The following TRIP11 variants were observed in gnomAD, a reference collection of about 807,000 sequenced individuals.
TRIP11 encodes the protein thyroid receptor-interacting protein 11.
Under a neutral mutation model 223.1 loss-of-function variants are expected in TRIP11, and 148 were observed. The ratio of observed to expected loss-of-function variants is 0.66; its 90% confidence interval spans 0.58 to 0.76. TRIP11 has a LOEUF of 0.76. TRIP11 is among the 30% of genes least tolerant of loss of function. TRIP11 has a pLI of 0.00. For missense variants in TRIP11, 2,043 were observed against 2,222.0 expected, an observed-to-expected ratio of 0.92 and a Z score of 1.62; for synonymous variants, 762 against 772.6, an observed-to-expected ratio of 0.99 and a Z score of 0.23.
intron 2 of TRIP11, among the ~76,000 whole-genome samples, chr14:92,026,358 A>T (rs1417093214): frequency 6.6e-6 from 1 of 152,256 alleles, no homozygotes; most frequent in Non-Finnish European, 1.5e-5. Context: ...GTACCTAAAT[A>T]TTAAATTATC....
chr14:91,976,278 T>C, intron 16 of TRIP11, 89 bp from the exon 17 acceptor site: 1 of 1,068,380 alleles, frequency 9.4e-7, no homozygotes, highest in East Asian at 2.5e-5. Flanking sequence ...ATCTTTATTA[T>C]AACCTCTGAA....
intron 14 of TRIP11, among the ~76,000 whole-genome samples, chr14:91,994,759 G>T (rs1289271537): frequency 6.6e-6 from 1 of 152,214 alleles, no homozygotes; most frequent in Non-Finnish European, 1.5e-5. Flanking sequence ...GTGAATAAAT[G>T]TAAGGATAGG....
chr14:91,966,834 G>A lies in TRIP11; in HGVS notation c.*2839C>T, dbSNP rs2056345838. 1.4e-5 allele frequency: 3 copies of A among 218,982 alleles called. No homozygotes were observed. In the Admixed American group the frequency reaches 1.7e-4, roughly 13 times the overall value. 13.6% of individuals were successfully genotyped at this position (218,982 alleles called of 1,614,324 possible). On this transcript the variant is annotated 3_prime_UTR_variant, in exon 21 of 21. Coordinates refer to ENST00000267622, the MANE Select transcript of TRIP11 (RefSeq NM_004239.4). ...CATTAGGAATGTGGTAAAAAACTAT[G>A]GCAGCGAAGGTGGAATTCAACCACA...
chr14:91,998,066 G>T (rs965966379), intron 13 of TRIP11, among the ~76,000 whole-genome samples: 1 of 152,098 alleles, frequency 6.6e-6, no homozygotes, highest in African/African-American at 2.4e-5. Flanking sequence ...CTGCAAAGGT[G>T]GGGTAGGGGT....
intron 16 of TRIP11, among the ~76,000 whole-genome samples, chr14:91,980,065 C>G (rs567264524): frequency 1.3e-5 from 2 of 152,088 alleles, no homozygotes; most frequent in African/African-American, 4.8e-5. Flanking sequence ...GAAAGAGTTA[C>G]TCTACATCTG....
intron 5 of TRIP11, among the ~76,000 whole-genome samples, chr14:92,016,844 C>T (rs2057041050): frequency 6.6e-6 from 1 of 152,106 alleles, no homozygotes. Flanking sequence ...GGATTCTATC[C>T]ACTCTAGTAT....
chr14:91,992,063 G>A (rs1242920907), intron 15 of TRIP11, among the ~76,000 whole-genome samples: 1 of 98,374 alleles, frequency 1.0e-5, no homozygotes, highest in East Asian at 3.2e-4. Flanking sequence ...CCTGAGCAAA[G>A]AGCGAAACGC....
Position 91,976,163 on chromosome 14 carries a change from C to A in TRIP11, c.5287G>T (p.Asp1763Tyr), listed in dbSNP as rs746267348. The A allele has an allele frequency of 1.4e-5, 23 of 1,612,310 alleles. No homozygotes were observed. Reference protein sequence around the residue: ...QNELRQEMLDDVQKKLMSLAN... With the variant: ...QNELRQEMLDYVQKKLMSLAN... The stretch of plus-strand genomic sequence containing the variant: ...AAGCTCATCAATTTCTTTTGTACAT[C>A]ATCCAGCATTTCTTGTCGGAGCTCA... Residue 1763 changes from aspartate (D) to tyrosine (Y), a missense_variant, in exon 17 of 21, where the codon GAT (aspartate) becomes TAT (tyrosine). Physicochemically the swap from Asp to Tyr is radical, Grantham distance 160. Transcript: ENST00000267622.
intron 16 of TRIP11, among the ~76,000 whole-genome samples, chr14:91,987,551 A>G (rs1232407067): frequency 6.6e-6 from 1 of 152,224 alleles, no homozygotes; most frequent in African/African-American, 2.4e-5. Context: ...TGCCTAACCT[A>G]GACATCTAAA....
intron 16 of TRIP11, among the ~76,000 whole-genome samples, chr14:91,981,010 ATATTTTTT>A (rs1297928136): frequency 5.9e-3 from 327 of 55,738 alleles, no homozygotes; most frequent in Middle Eastern, 0.013. Flanking sequence ...ATATATATAT[ATATTTTTT>A]TTTTTTTTTT....
intron 7 of TRIP11, 142 bp from the exon 8 acceptor site, chr14:92,011,937 T>C: frequency 1.4e-6 from 1 of 701,846 alleles, no homozygotes; most frequent in Non-Finnish European, 2.5e-6. Context: ...GAAACATATA[T>C]TTGTATTCCT....
At chr14:92,016,077 T>C (rs1045718753) in intron 5 of TRIP11, among the ~76,000 whole-genome samples, 1 of 152,178 alleles carries the variant, frequency 6.6e-6, no homozygotes, top group African/African-American at 2.4e-5. Context: ...CTACTTCTAA[T>C]GAGGGAACAT....
intron 11 of TRIP11, 104 bp from the exon 12 acceptor site, chr14:92,000,212 G>C (rs920882146): frequency 5.2e-6 from 8 of 1,529,688 alleles, no homozygotes; most frequent in South Asian, 1.2e-5. Context: ...TTTTTAAATA[G>C]GGCAGCCTCC....
Position 92,013,006 on chromosome 14 carries a change from C to T in TRIP11, c.1186+1209G>A, listed in dbSNP as rs577712315. Among the ~76,000 whole-genome samples the T allele has an allele frequency of 2.0e-4, 31 of 152,258 alleles. 1 individual carries two copies. The highest frequency in any genetic ancestry group is 6.2e-4 in the South Asian group (3 of 4,828). On this transcript the variant is annotated intron_variant, in intron 7 of 20. Coordinates refer to ENST00000267622, the MANE Select transcript of TRIP11 (RefSeq NM_004239.4). ...CTCTTCAGCTGGGGGCGGTGGCTCA[C>T]GCCTGTAATCCCAGCACTTTGGGTG...
At chr14:91,993,741 G>C (rs2056711355) in intron 15 of TRIP11, 68 bp downstream of exon 15, 1 of 1,278,362 alleles carries the variant, frequency 7.8e-7, no homozygotes, top group African/African-American at 1.5e-5. Flanking sequence ...TTATTTCCAA[G>C]ACAAAGACTC....
chr14:92,034,316 A>G (rs1291404257), intron 1 of TRIP11, among the ~76,000 whole-genome samples: 2 of 151,952 alleles, frequency 1.3e-5, no homozygotes, highest in Non-Finnish European at 2.9e-5. Context: ...CCAGCTACTC[A>G]GGAGGCTGAG....
intron 2 of TRIP11, among the ~76,000 whole-genome samples, chr14:92,029,882 G>A (rs1418510636): frequency 2.6e-5 from 4 of 151,048 alleles, no homozygotes; most frequent in Middle Eastern, 6.9e-3. Flanking sequence ...CAATATCCTG[G>A]AAGAATTTTC....
chr14:92,005,784 CTCT>C lies in TRIP11; in HGVS notation c.2189_2191del (p.Lys730del), dbSNP rs1463769693. ...ATACTTGTTTGCTTCTTCCAACAGC[CTCT>C]TTTTAGCCCAACACAATTCTGCCTC... On this transcript the variant is annotated inframe_deletion, in exon 11 of 21. Coordinates refer to ENST00000267622, the MANE Select transcript of TRIP11 (RefSeq NM_004239.4). 1.2e-6 allele frequency: 2 copies of C among 1,613,928 alleles called. No homozygotes were observed. The highest frequency in any genetic ancestry group is 2.7e-5 in the African/African-American group (2 of 74,920).
At position 92,004,633 on chromosome 14, in the gene TRIP11, G is replaced by T; in HGVS notation, c.3343C>A (p.Leu1115Ile). ...LNEKTRENSH[L>I]KTEYHKMMDI... ...ATCATTTTGTGATATTCTGTTTTTA[G>T]ATGGCTATTTTCCCTAGTCTTCTCA... is the stretch of plus-strand genomic sequence containing the variant. The change falls in exon 11 of 21, where the codon CTA (leucine) becomes ATA (isoleucine). Residue 1115 changes from leucine (L) to isoleucine (I), a missense_variant. By Grantham distance (5) the Leu-to-Ile change is conservative. Coordinates refer to ENST00000267622, the MANE Select transcript of TRIP11 (RefSeq NM_004239.4). 1 of 1,614,056 alleles carries T rather than the reference G, an allele frequency of 6.2e-7. No individual in the cohort carries two copies. The highest frequency in any genetic ancestry group is 1.7e-5 in the Admixed American group (1 of 60,010).
Sources: allele counts gnomAD v4.1 joint callset (sites outside exome capture counted in the v4.1 genomes callset), GRCh38; gene constraint gnomAD v4.1.1; transcripts MANE v1.5; gene names NCBI Gene and HGNC (gene_info 2026-07-23, HGNC 2026-07-21).